The following CAPZA1 variants were observed in gnomAD, a reference collection of about 807,000 sequenced individuals.
The protein encoded by CAPZA1 is F-actin-capping protein subunit alpha-1.
Under a neutral mutation model 40.8 loss-of-function variants are expected in CAPZA1, and 10 were observed. The observed-to-expected ratio is 0.25, with a 90% CI of 0.15 to 0.42. The LOEUF (loss-of-function observed/expected upper bound fraction) is 0.42, where lower values mean the gene tolerates loss of function less well. Among genes scored for constraint, CAPZA1 ranks in the 10% least tolerant of loss-of-function variants. CAPZA1 has a pLI of 1.00. For missense variants in CAPZA1, 277 were observed against 353.8 expected (o/e 0.78, Z 1.74); for synonymous variants, 98 against 115.0 (o/e 0.85, Z 0.95).
chr1:112,660,340 G>A (rs907813895), intron 7 of CAPZA1, among the ~76,000 whole-genome samples: 3 of 152,186 alleles, frequency 2.0e-5, no homozygotes, highest in African/African-American at 4.8e-5. Flanking sequence ...AGGTGCAATG[G>A]CATGATCTCG....
At chr1:112,651,767 T>C (rs1671391319) in intron 3 of CAPZA1, among the ~76,000 whole-genome samples, 1 of 152,142 alleles carries the variant, frequency 6.6e-6, no homozygotes, top group African/African-American at 2.4e-5. Context: ...AGAGCTAATG[T>C]GTTTGGGATT....
chr1:112,654,665 C>T lies in CAPZA1; in HGVS notation c.420C>T (p.Phe140=), dbSNP rs1387511707. 1 of 1,604,398 alleles carries T rather than the reference C, an allele frequency of 6.2e-7. No homozygotes were observed. Among genetic ancestry groups the T allele is most frequent in the Non-Finnish European group, 8.5e-7 (1 of 1,173,872 alleles). ...AYVKDHYSNG[F]CTVYAKTIDG... ...TGAAAGACCATTATTCCAACGGCTT[C>T]TGTACTGTTAAGTATCTGACTGCTT... The change falls in exon 5 of 10, where the codon TTC becomes TTT. Residue 140 remains phenylalanine (F), a synonymous_variant. Coordinates refer to ENST00000263168, the MANE Select transcript of CAPZA1 (RefSeq NM_006135.3).
intron 1 of CAPZA1, among the ~76,000 whole-genome samples, chr1:112,625,061 C>T (rs1165696410): frequency 6.6e-6 from 1 of 152,126 alleles, no homozygotes; most frequent in South Asian, 2.1e-4. Flanking sequence ...CTCCAGTTCA[C>T]ACCCCTTCAT....
At chr1:112,651,812 G>A (rs936989686) in intron 3 of CAPZA1, among the ~76,000 whole-genome samples, 3 of 152,154 alleles carry the variant, frequency 2.0e-5, no homozygotes, top group Non-Finnish European at 1.5e-5. Flanking sequence ...GTTTTAAGGA[G>A]TAAAACACAG....
chr1:112,652,076 G>A (rs947050866), intron 3 of CAPZA1, among the ~76,000 whole-genome samples: 2 of 151,618 alleles, frequency 1.3e-5, no homozygotes, highest in Non-Finnish European at 2.9e-5. Context: ...AGCCAAGATC[G>A]TACCACAGCA....
chr1:112,634,280 C>T (rs1223848648), intron 1 of CAPZA1, among the ~76,000 whole-genome samples: 2 of 152,104 alleles, frequency 1.3e-5, no homozygotes, highest in African/African-American at 4.8e-5. Context: ...TAAATATTTA[C>T]GGAGGCATAG....
chr1:112,667,271 C>T, intron 8 of CAPZA1, 126 bp downstream of exon 8: 1 of 663,116 alleles, frequency 1.5e-6, no homozygotes, highest in South Asian at 2.0e-5. Context: ...TGATTTTGGC[C>T]ACTTCTGTTA....
rs1200944991 is a variant in CAPZA1, at chr1:112,659,681, TTG to T, written c.507-10_507-9del. ...TGTGCTTATTGCTAATTCTGCAATG[TTG>T]TGTGTGTGTTTTAATAGGAATGGTC... On this transcript the variant is annotated intron_variant, in intron 6 of 9. Coordinates refer to ENST00000263168, the MANE Select transcript of CAPZA1 (RefSeq NM_006135.3). 23 of 1,600,550 alleles carry T rather than the reference TTG, an allele frequency of 1.4e-5. No homozygotes were observed. The highest frequency in any genetic ancestry group is 3.3e-5 in the Admixed American group (2 of 59,852).
At chr1:112,653,453 C>G in intron 3 of CAPZA1, 145 bp from the exon 4 acceptor site, 2 of 598,006 alleles carry the variant, frequency 3.3e-6, no homozygotes, top group South Asian at 4.4e-5. Flanking sequence ...CACTGGATGT[C>G]TGGGGAGAAG....
intron 7 of CAPZA1, among the ~76,000 whole-genome samples, chr1:112,663,880 G>C (rs12750621): frequency 0.18 from 28,057 of 152,154 alleles, 3,153 homozygotes; most frequent in Non-Finnish European, 0.26. Context: ...GGTTTAGAGA[G>C]GGTATGGAAA....
chr1:112,669,912 C>T, intron 9 of CAPZA1, 80 bp from the exon 10 acceptor site: 1 of 1,477,226 alleles, frequency 6.8e-7, no homozygotes, highest in South Asian at 1.2e-5. Context: ...CAAGCATATC[C>T]ATTGACTATA....
intron 2 of CAPZA1, among the ~76,000 whole-genome samples, chr1:112,648,410 G>A (rs1026272135): frequency 1.1e-4 from 15 of 139,772 alleles, no homozygotes; most frequent in Non-Finnish European, 1.7e-4. Flanking sequence ...GTGCAGTGGC[G>A]TGATCTTGGC....
chr1:112,663,513 C>G (rs1671660693), intron 7 of CAPZA1, among the ~76,000 whole-genome samples: 1 of 151,872 alleles, frequency 6.6e-6, no homozygotes, highest in Non-Finnish European at 1.5e-5. Context: ...CTCATCTTGT[C>G]TCCAGTGGAT....
At chr1:112,645,717 C>T (rs1409731947) in intron 1 of CAPZA1, among the ~76,000 whole-genome samples, 1 of 142,878 alleles carries the variant, frequency 7.0e-6, no homozygotes, top group Non-Finnish European at 1.5e-5. Context: ...AATTGCTTTG[C>T]TCTACATACT....
intron 7 of CAPZA1, among the ~76,000 whole-genome samples, chr1:112,662,101 A>T (rs1671623529): frequency 6.6e-6 from 1 of 152,192 alleles, no homozygotes; most frequent in African/African-American, 2.4e-5. Context: ...AGAACACATA[A>T]GTTTTGAGCT....
rs1671131674 is a variant in CAPZA1, at chr1:112,640,552, G to T, written c.40-6658G>T. ...TCTGCCCGGCCGCCCCTCCTGGGAAGTGAGGAGCCCCCTGCCCGGCCAGCC... is the reference window on the plus strand; with the variant it reads ...TCTGCCCGGCCGCCCCTCCTGGGAATTGAGGAGCCCCCTGCCCGGCCAGCC... On this transcript the variant is annotated intron_variant, in intron 1 of 9. Transcript: ENST00000263168. Among the ~76,000 whole-genome samples the T allele has an allele frequency of 2.1e-5, 3 of 144,716 alleles. 1 individual carries two copies. Among genetic ancestry groups the T allele is most frequent in the African/African-American group, 7.8e-5 (3 of 38,602 alleles). The allele number at this position is 144,716 out of a possible 152,430, so 94.9% of individuals were successfully genotyped here.
intron 1 of CAPZA1, among the ~76,000 whole-genome samples, chr1:112,627,012 A>G (rs532897914): frequency 2.0e-5 from 3 of 152,348 alleles, no homozygotes; most frequent in East Asian, 1.9e-4. Context: ...TGTGCTAACT[A>G]TGTATTAACC....
intron 1 of CAPZA1, among the ~76,000 whole-genome samples, chr1:112,635,596 C>A (rs577292760): frequency 6.6e-6 from 1 of 151,586 alleles, no homozygotes; most frequent in East Asian, 2.0e-4. Flanking sequence ...ATTACAACAC[C>A]CAGCTAATTT....
At chr1:112,656,537 G>T (rs551190821) in intron 5 of CAPZA1, among the ~76,000 whole-genome samples, 2 of 140,082 alleles carry the variant, frequency 1.4e-5, no homozygotes, top group South Asian at 4.8e-4. Context: ...TTGCAAAGGG[G>T]AGACATGATA....
Sources: allele counts gnomAD v4.1 joint callset (sites outside exome capture counted in the v4.1 genomes callset), GRCh38; gene constraint gnomAD v4.1.1; transcripts MANE v1.5; gene names NCBI Gene and HGNC (gene_info 2026-07-23, HGNC 2026-07-21).